The following SMTNL2 variants were observed in gnomAD, a reference collection of about 807,000 sequenced individuals.
The protein encoded by SMTNL2 is smoothelin-like protein 2.
In SMTNL2, 43 loss-of-function variants were observed where a neutral mutation model predicts 44.1. The observed-to-expected ratio is 0.98, with a 90% CI of 0.76 to 1.26. The LOEUF is 1.26. SMTNL2 is among the 50% of genes most tolerant of loss of function. The pLI, the probability that SMTNL2 is intolerant of heterozygous loss-of-function variation, is 0.00. For missense variants in SMTNL2, 646 were observed against 670.2 expected, an observed-to-expected ratio of 0.96 and a Z score of 0.40; for synonymous variants, 317 against 287.6, an observed-to-expected ratio of 1.10 and a Z score of -1.03.
At position 4,602,521 on chromosome 17, in the gene SMTNL2, C is replaced by G. The variant is rs189297031; in HGVS notation, c.1260-4840C>G. ...TATTTCTAGTAGAGATGGGGTTTCA[C>G]CATGTTGGCCAGGCTGGTCTTGAAC... On this transcript the variant is annotated intron_variant, in intron 7 of 7. Coordinates refer to ENST00000389313, the MANE Select transcript of SMTNL2 (RefSeq NM_001114974.2). Among the ~76,000 whole-genome samples, 236 of 152,196 alleles carry G rather than the reference C, an allele frequency of 1.6e-3. 3 individuals are homozygous for G. The highest frequency in any genetic ancestry group is 5.4e-3 in the African/African-American group (223 of 41,534).
intron 7 of SMTNL2, among the ~76,000 whole-genome samples, chr17:4,604,823 C>A (rs1334134144): frequency 2.6e-5 from 4 of 152,108 alleles, no homozygotes; most frequent in African/African-American, 9.7e-5. Flanking sequence ...AGGCGTGCAC[C>A]ACCATGCCTG....
intron 3 of SMTNL2, among the ~76,000 whole-genome samples, chr17:4,593,386 G>A (rs370981882): frequency 2.5e-4 from 38 of 152,368 alleles, no homozygotes; most frequent in African/African-American, 8.7e-4. Context: ...TGGTGGGGGC[G>A]ACCGTGGCTT....
rs1910332348 is a variant in SMTNL2, at chr17:4,607,561, G to A, written c.*74G>A. On this transcript the variant is annotated 3_prime_UTR_variant, in exon 8 of 8. Transcript: ENST00000389313. This position sits in a 1 kb window ranked among gnomAD's most constrained non-coding sequence, Gnocchi z 4.7. ...GGTCCGCTTGCGATTCCCCAGCCAG[G>A]ATGCCCCCAGGAGCCTTGCCGTTTG... is the stretch of plus-strand genomic sequence containing the variant. The A allele has an allele frequency of 6.3e-7, 1 of 1,579,106 alleles. No homozygotes were observed. Among genetic ancestry groups the A allele is most frequent in the Non-Finnish European group, 8.6e-7 (1 of 1,159,108 alleles).
chr17:4,587,087 A>G (rs1003753105), intron 1 of SMTNL2, among the ~76,000 whole-genome samples: 1 of 152,158 alleles, frequency 6.6e-6, no homozygotes, highest in Non-Finnish European at 1.5e-5. Flanking sequence ...GGAGGACCTG[A>G]GTGCACTCTC....
At chr17:4,584,429 C>T, upstream of SMTNL2, 1 of 573,774 alleles carries the variant, frequency 1.7e-6, no homozygotes, top group Non-Finnish European at 2.5e-6. Context: ...GGCTCCAGGG[C>T]AGGGGGGTGT....
chr17:4,607,415 C>A lies in SMTNL2; in HGVS notation c.1314C>A (p.Gly438=). Residue 438 remains glycine, a synonymous_variant, in exon 8 of 8, where the codon GGC becomes GGA. Coordinates refer to ENST00000389313, the MANE Select transcript of SMTNL2 (RefSeq NM_001114974.2). This position sits in a 1 kb window ranked among gnomAD's most constrained non-coding sequence, Gnocchi z 4.7. ...LIEVEDMMVM[G]RKPDPMCVFT... is the part of the protein sequence containing the mutation. ...AAGTGGAGGACATGATGGTGATGGGCCGCAAGCCGGACCCCATGTGTGTCT... is the reference window on the plus strand; with the variant it reads ...AAGTGGAGGACATGATGGTGATGGGACGCAAGCCGGACCCCATGTGTGTCT... The A allele has an allele frequency of 6.2e-7, 1 of 1,614,194 alleles. No homozygotes were observed. Among genetic ancestry groups the A allele is most frequent in the Non-Finnish European group, 8.5e-7 (1 of 1,180,036 alleles).
Position 4,584,690 on chromosome 17 carries a change from C to A in SMTNL2, c.85C>A (p.Arg29Ser). 2 of 1,286,506 alleles carry A rather than the reference C, an allele frequency of 1.6e-6. No homozygotes were observed. The highest frequency in any genetic ancestry group is 2.4e-5 in the South Asian group (1 of 41,166). The allele number at this position is 1,286,506 out of a possible 1,614,324, so 79.7% of individuals were successfully genotyped here. The stretch of plus-strand genomic sequence containing the variant: ...CGAGGCGGCGCTGGAGGGTGCGGTG[C>A]GCGCGCTGCACGAGGACATGCGGGG... The part of the protein sequence containing the change: ...RYEAALEGAV[R>S]ALHEDMRGLQ... The change falls in exon 1 of 8, where the codon CGC becomes AGC. Residue 29 changes from arginine (R) to serine (S), a missense_variant. Coordinates refer to ENST00000389313, the MANE Select transcript of SMTNL2 (RefSeq NM_001114974.2).
In SMTNL2 at chr17:4,585,009, G is replaced by A. The variant is rs574553346; in HGVS notation, c.399+5G>A. The A allele has an allele frequency of 7.6e-7, 1 of 1,324,084 alleles. No individual in the cohort carries two copies. Among genetic ancestry groups the A allele is most frequent in the Non-Finnish European group, 9.6e-7 (1 of 1,041,186 alleles). 82.0% of individuals were successfully genotyped at this position (1,324,084 alleles called of 1,614,324 possible). On this transcript the variant is annotated splice_donor_5th_base_variant and intron_variant, in intron 1 of 7. Coordinates refer to ENST00000389313, the MANE Select transcript of SMTNL2 (RefSeq NM_001114974.2). ...TCGCTGTCCGGCCGCGGCCAGGTGA[G>A]CCCGGGGGAGCGCGTGCGCTGGCGC... is the stretch of plus-strand genomic sequence containing the variant.
At chr17:4,591,595 C>G (rs1056123321) in intron 1 of SMTNL2, among the ~76,000 whole-genome samples, 40 of 152,206 alleles carry the variant, frequency 2.6e-4, no homozygotes, top group African/African-American at 9.4e-4. Context: ...AGGATAGCAC[C>G]GGAAAAAGGG....
chr17:4,586,139 C>T (rs1192918522), intron 1 of SMTNL2, among the ~76,000 whole-genome samples: 1 of 152,134 alleles, frequency 6.6e-6, no homozygotes, highest in Non-Finnish European at 1.5e-5. Context: ...AGTGCAGCCT[C>T]GAGGTATGCG....
intron 7 of SMTNL2, among the ~76,000 whole-genome samples, chr17:4,599,840 G>A (rs1034452965): frequency 2.6e-5 from 4 of 152,200 alleles, no homozygotes; most frequent in Non-Finnish European, 4.4e-5. Context: ...GGGAGGCAGC[G>A]GCGGAGGCTG....
rs1047598257 is a variant in SMTNL2, at chr17:4,600,923, G to A, written c.1259+3600G>A. Among the ~76,000 whole-genome samples, 1 of 152,158 alleles carries A rather than the reference G, an allele frequency of 6.6e-6. No individual in the cohort carries two copies. The highest frequency in any genetic ancestry group is 1.5e-5 in the Non-Finnish European group (1 of 68,028). ...AACCAGATAGGAGGCAGTAGTCCCA[G>A]TCCTGGCATCCTGGTCTGCATTTAG... On this transcript the variant is annotated intron_variant, in intron 7 of 7. Transcript: ENST00000389313. The surrounding 1 kb of genome is among the most constrained non-coding windows in gnomAD (Gnocchi z 4.7).
At chr17:4,604,048 T>C (rs949528681) in intron 7 of SMTNL2, among the ~76,000 whole-genome samples, 1 of 152,158 alleles carries the variant, frequency 6.6e-6, no homozygotes, top group Non-Finnish European at 1.5e-5. Context: ...TTTCACCATG[T>C]TAGCCAGGAT....
chr17:4,590,477 C>T (rs902593309), intron 1 of SMTNL2, among the ~76,000 whole-genome samples: 1 of 152,080 alleles, frequency 6.6e-6, no homozygotes, highest in Non-Finnish European at 1.5e-5. Context: ...CCTGTTTTTC[C>T]ATGTTCGTCC....
intron 7 of SMTNL2, 25 bp downstream of exon 7, chr17:4,597,348 T>C (rs1567636105): frequency 6.2e-7 from 1 of 1,610,984 alleles, no homozygotes. Flanking sequence ...TCCTGCTGGC[T>C]ACCAGCCCCA....
Position 4,600,829 on chromosome 17 carries a change from T to C in SMTNL2, c.1259+3506T>C, listed in dbSNP as rs72833800. Among the ~76,000 whole-genome samples the C allele has an allele frequency of 3.0e-3, 455 of 152,352 alleles. No individual in the cohort carries two copies. The highest frequency in any genetic ancestry group is 5.5e-3 in the Non-Finnish European group (377 of 68,028). On this transcript the variant is annotated intron_variant, in intron 7 of 7. Coordinates refer to ENST00000389313, the MANE Select transcript of SMTNL2 (RefSeq NM_001114974.2). The surrounding 1 kb of genome is among the most constrained non-coding windows in gnomAD (Gnocchi z 4.7). The stretch of plus-strand genomic sequence containing the variant: ...CGCTTGCCCTGCGGGGAATGTGTCC[T>C]GCTCTCGGGTTACGCTGGAGCAGAA...
At chr17:4,605,243 C>G (rs1762578927) in intron 7 of SMTNL2, among the ~76,000 whole-genome samples, 4 of 138,944 alleles carry the variant, frequency 2.9e-5, no homozygotes, top group African/African-American at 2.8e-5. Context: ...CTCACTGGAG[C>G]CTCCACCTCC....
chr17:4,593,979 CCCTGGGGTTGGT>C, intron 4 of SMTNL2, 82 bp downstream of exon 4: 1 of 1,505,264 alleles, frequency 6.6e-7, no homozygotes, highest in Non-Finnish European at 9.2e-7. Context: ...CCAGGGTTGG[CCCTGGGGTTGGT>C]GCCTCCTGGT....
intron 7 of SMTNL2, among the ~76,000 whole-genome samples, chr17:4,599,144 C>T (rs1567636789): frequency 2.0e-5 from 3 of 152,206 alleles, no homozygotes; most frequent in Non-Finnish European, 2.9e-5. Context: ...TTTGGAATAT[C>T]GGTATCAGCC....
Sources: allele counts gnomAD v4.1 joint callset (sites outside exome capture counted in the v4.1 genomes callset), GRCh38; gene constraint gnomAD v4.1.1; non-coding constraint Gnocchi (gnomAD v3.1); transcripts MANE v1.5; gene names NCBI Gene and HGNC (gene_info 2026-07-23, HGNC 2026-07-21).